Variants in ST8SIA4 observed in about 807,000 individuals in gnomAD.
ST8SIA4 encodes the protein CMP-N-acetylneuraminate-poly-alpha-2,8-sialyltransferase.
A neutral mutation model predicts 33.9 loss-of-function variants in ST8SIA4; 15 were observed. That is an observed-to-expected ratio of 0.44 (90% confidence interval 0.30 to 0.68). The LOEUF (loss-of-function observed/expected upper bound fraction) is 0.68. Ranked by LOEUF, ST8SIA4 falls within the 30% of genes least tolerant of loss-of-function variation. The pLI is 0.10. For synonymous variants in ST8SIA4, 171 were observed against 151.2 expected (o/e 1.13, Z -0.96); for missense variants, 321 against 428.0 (o/e 0.75, Z 2.21).
intron 1 of ST8SIA4, among the ~76,000 whole-genome samples, chr5:100,897,989 T>C (rs929589709): frequency 6.6e-6 from 1 of 152,244 alleles, no homozygotes; most frequent in African/African-American, 2.4e-5. Flanking sequence ...GAGATATGAC[T>C]ACATGATTTC....
intron 3 of ST8SIA4, among the ~76,000 whole-genome samples, chr5:100,869,964 A>G (rs1228501795): frequency 6.6e-6 from 1 of 152,130 alleles, no homozygotes; most frequent in African/African-American, 2.4e-5. Flanking sequence ...CATCATTTAC[A>G]TTAGGTATAT....
chr5:100,812,117 G>C lies in ST8SIA4; in HGVS notation c.810C>G (p.Thr270=). 6.2e-7 allele frequency: 1 copy of C among 1,608,736 alleles called. No individual in the cohort carries two copies. The highest frequency in any genetic ancestry group is 1.3e-5 in the African/African-American group (1 of 74,650). The change falls in exon 5 of 5, where the codon ACC becomes ACG. Residue 270 remains threonine (T), a synonymous_variant. Transcript: ENST00000231461. ...TGGGTCTTTTGATAGGAACTTTGTT[G>C]GTCAGCCAGTAACTGGAAAAACAAA... ...LIHAVRGYWL[T]NKVPIKRPST...
chr5:100,886,844 T>A (rs574727536), intron 2 of ST8SIA4, among the ~76,000 whole-genome samples: 1 of 152,140 alleles, frequency 6.6e-6, no homozygotes, highest in Non-Finnish European at 1.5e-5. Context: ...AGATATAGTA[T>A]AAACATCTAT....
chr5:100,886,363 G>T lies in ST8SIA4; in HGVS notation c.483C>A (p.Asp161Glu). Residue 161 changes from aspartate to glutamate, a missense_variant, in exon 3 of 5, where the codon GAC (aspartate) becomes GAA (glutamate). By Grantham distance (45) the Asp-to-Glu change is conservative. Coordinates refer to ENST00000231461, the MANE Select transcript of ST8SIA4 (RefSeq NM_005668.6). Reference protein sequence around the residue: ...LLDSECGKEIDSHNFVIRCNL... With the variant: ...LLDSECGKEIESHNFVIRCNL... ...CTCACCTTATTACAAAATTGTGACT[G>T]TCAATCTCCTTTCCACATTCACTGT... The T allele has an allele frequency of 6.2e-7, 1 of 1,613,610 alleles. No individual in the cohort carries two copies. Among genetic ancestry groups the T allele is most frequent in the South Asian group, 1.1e-5 (1 of 91,068 alleles).
intron 4 of ST8SIA4, among the ~76,000 whole-genome samples, chr5:100,818,205 T>C (rs1415361636): frequency 1.3e-5 from 2 of 152,200 alleles, no homozygotes; most frequent in Non-Finnish European, 1.5e-5. Context: ...TTGTATTCTT[T>C]AGCTACTTAA....
chr5:100,829,546 C>G (rs958515263), intron 4 of ST8SIA4, among the ~76,000 whole-genome samples: 7 of 152,128 alleles, frequency 4.6e-5, no homozygotes, highest in Admixed American at 3.3e-4. Context: ...TCATAAGTTA[C>G]AGTAGACATA....
chr5:100,903,240 A>T lies in ST8SIA4; in HGVS notation c.-285T>A, dbSNP rs375647777. 1.0e-4 allele frequency: 42 copies of T among 405,380 alleles called. 1 individual carries two copies. The East Asian group carries it at 1.9e-3, about 18-fold the overall frequency. 25.1% of individuals were successfully genotyped at this position (405,380 alleles called of 1,614,324 possible). On this transcript the variant is annotated 5_prime_UTR_variant, in exon 1 of 5. An upstream start codon of the reference 5' UTR is lost. Coordinates refer to ENST00000231461, the MANE Select transcript of ST8SIA4 (RefSeq NM_005668.6). ...TCTTTTCAGATGAGACACCTTGTGC[A>T]TTGGAGGTGGCGGCAGCTTCTGCAG...
rs79042436 is a variant in ST8SIA4, at chr5:100,840,083, A to T, written c.797+16020T>A. Among the ~76,000 whole-genome samples the T allele has an allele frequency of 2.0e-4, 30 of 151,866 alleles. No homozygotes were observed. In the East Asian group the frequency reaches 5.8e-3, roughly 29 times the overall value. On this transcript the variant is annotated intron_variant, in intron 4 of 4. Transcript: ENST00000231461. ...ACTGTTCCTGATCCCAAACTTTTAT[A>T]TCATGTCATATCTTATTTGGTCTTA...
At chr5:100,883,092 G>A (rs1186504306) in intron 3 of ST8SIA4, among the ~76,000 whole-genome samples, 1 of 152,136 alleles carries the variant, frequency 6.6e-6, no homozygotes, top group Non-Finnish European at 1.5e-5. Context: ...AGCTTGCACC[G>A]TTTGCCTGGA....
At chr5:100,865,536 A>G (rs780418575) in intron 3 of ST8SIA4, among the ~76,000 whole-genome samples, 5 of 152,194 alleles carry the variant, frequency 3.3e-5, no homozygotes, top group South Asian at 2.1e-4. Flanking sequence ...CTGAGTTTCA[A>G]TCAGTTACTG....
intron 3 of ST8SIA4, among the ~76,000 whole-genome samples, chr5:100,868,353 G>C (rs1056296053): frequency 6.6e-6 from 1 of 152,000 alleles, no homozygotes; most frequent in Non-Finnish European, 1.5e-5. Context: ...GTGTGCATGT[G>C]TAGTAGCCAG....
chr5:100,899,232 T>C (rs1413939771), intron 1 of ST8SIA4, among the ~76,000 whole-genome samples: 1 of 152,218 alleles, frequency 6.6e-6, no homozygotes, highest in Non-Finnish European at 1.5e-5. Flanking sequence ...AGAACTTGCA[T>C]GAAACTAAGC....
At chr5:100,826,350 A>T (rs1197909175) in intron 4 of ST8SIA4, among the ~76,000 whole-genome samples, 1 of 152,182 alleles carries the variant, frequency 6.6e-6, no homozygotes, top group Non-Finnish European at 1.5e-5. Flanking sequence ...CAGTTGATTC[A>T]TCAAAACAAA....
intron 3 of ST8SIA4, among the ~76,000 whole-genome samples, chr5:100,880,367 T>C (rs1752392045): frequency 6.6e-6 from 1 of 152,168 alleles, no homozygotes; most frequent in African/African-American, 2.4e-5. Flanking sequence ...GGGGTGTTTC[T>C]GATATTACAG....
At chr5:100,812,262 A>G (rs981171433) in intron 4 of ST8SIA4, 133 bp from the exon 5 acceptor site, 1 of 678,958 alleles carries the variant, frequency 1.5e-6, no homozygotes, top group Non-Finnish European at 2.2e-6. Flanking sequence ...TACTGAAGAA[A>G]TATTTTTAAG....
At chr5:100,872,703 C>A (rs10059846) in intron 3 of ST8SIA4, among the ~76,000 whole-genome samples, 43,485 of 151,752 alleles carry the variant, frequency 0.29, 6,449 homozygotes, top group Non-Finnish European at 0.32. Flanking sequence ...TTCCTGAGGC[C>A]TACCCAGCCA....
intron 1 of ST8SIA4, among the ~76,000 whole-genome samples, chr5:100,898,986 G>T (rs1752838120): frequency 6.6e-6 from 1 of 152,138 alleles, no homozygotes; most frequent in African/African-American, 2.4e-5. Context: ...GATACCAGTG[G>T]CAGGAATTAA....
At chr5:100,866,513 A>G (rs934206289) in intron 3 of ST8SIA4, among the ~76,000 whole-genome samples, 11 of 151,870 alleles carry the variant, frequency 7.2e-5, no homozygotes, top group Non-Finnish European at 1.3e-4. Context: ...AAATGTTACA[A>G]AGACATCTTT....
rs1751812373 is a variant in ST8SIA4 at position 100,856,301 on chromosome 5, C to T, written c.599G>A (p.Gly200Glu). The change falls in exon 4 of 5, where the codon GGA (glycine) becomes GAA (glutamate). Residue 200 changes from glycine to glutamate, a missense_variant. Transcript: ENST00000231461. ...TCTGTCACTCTCATTTCGAAAGCCT[C>T]CAAATGCTCTTTGTACAACTGATGG... The part of the protein sequence containing the change: ...MNPSVVQRAF[G>E]GFRNESDREK... 1 of 1,614,066 alleles carries T rather than the reference C, an allele frequency of 6.2e-7. No individual in the cohort carries two copies. The highest frequency in any genetic ancestry group is 8.5e-7 in the Non-Finnish European group (1 of 1,179,992).
Sources: gnomAD v4.1 joint callset for allele counts (sites outside exome capture counted in the v4.1 genomes callset) on GRCh38, gnomAD v4.1.1 for gene constraint, MANE v1.5 for transcripts, NCBI Gene and HGNC (gene_info 2026-07-23, HGNC 2026-07-21) for gene names.